ZNF385B: variants seen among roughly 807,000 people sequenced by gnomAD.
ZNF385B encodes the protein zinc finger protein 385B, also known as zinc finger protein 533.
In ZNF385B, 23 loss-of-function variants were observed where a neutral mutation model predicts 39.2. The observed-to-expected ratio is 0.59, with a 90% confidence interval of 0.42 to 0.83. The LOEUF (loss-of-function observed/expected upper bound fraction) is 0.83, where lower values mean the gene tolerates loss of function less well. Ranked by LOEUF, ZNF385B falls within the 40% of genes least tolerant of loss-of-function variation. The pLI, the probability that ZNF385B is intolerant of heterozygous loss-of-function variation, is 0.00. For synonymous variants in ZNF385B, 205 were observed against 222.6 expected (o/e 0.92, Z 0.70); for missense variants, 552 against 598.9 (o/e 0.92, Z 0.82).
At chr2:179,457,652 C>CT (rs571282849) in intron 6 of ZNF385B, among the ~76,000 whole-genome samples, 1 of 151,788 alleles carries the variant, frequency 6.6e-6, no homozygotes, top group Non-Finnish European at 1.5e-5. Context: ...AGCTCCTTTT[C>CT]TTTTTTTTAT....
At chr2:179,449,594 A>G (rs2049873220) in intron 6 of ZNF385B, among the ~76,000 whole-genome samples, 1 of 152,192 alleles carries the variant, frequency 6.6e-6, no homozygotes, top group Admixed American at 6.5e-5. Flanking sequence ...GCTCAATGAA[A>G]TAAAAGAGGA....
intron 8 of ZNF385B, among the ~76,000 whole-genome samples, chr2:179,445,333 T>C (rs542473968): frequency 1.2e-3 from 179 of 152,320 alleles, no homozygotes; most frequent in African/African-American, 3.5e-3. Context: ...CTCTCCAACA[T>C]CTAGCCTGGA....
chr2:179,689,279 A>G (rs1401003635), intron 3 of ZNF385B, among the ~76,000 whole-genome samples: 1 of 152,204 alleles, frequency 6.6e-6, no homozygotes, highest in Non-Finnish European at 1.5e-5. Flanking sequence ...TTTACGGGTA[A>G]AAGCCGAGAA....
intron 1 of ZNF385B, among the ~76,000 whole-genome samples, chr2:179,816,382 TA>T (rs1421600634): frequency 6.6e-6 from 1 of 152,222 alleles, no homozygotes; most frequent in Non-Finnish European, 1.5e-5. Context: ...CGTCATCTGT[TA>T]AGCCCCTGCA....
chr2:179,861,287 G>T lies in ZNF385B; in HGVS notation c.-341C>A. On this transcript the variant is annotated 5_prime_UTR_variant, in exon 1 of 10. Transcript: ENST00000410066. ...GCAGCGGCGGCGGTGGAGGTGGCGC[G>T]GGCGACAGCTCGGCCCGGCGCGGCC... 1 of 157,356 alleles carries T rather than the reference G, an allele frequency of 6.4e-6. No individual in the cohort carries two copies. The highest frequency in any genetic ancestry group is 1.8e-4 in the South Asian group (1 of 5,648). 9.7% of individuals were successfully genotyped at this position (157,356 alleles called of 1,614,324 possible).
At chr2:179,812,000 C>G (rs1706763290) in intron 1 of ZNF385B, among the ~76,000 whole-genome samples, 1 of 152,060 alleles carries the variant, frequency 6.6e-6, no homozygotes, top group Admixed American at 6.6e-5. Context: ...AGACATTTCT[C>G]AAAAGAAGAC....
At chr2:179,674,291 T>A (rs1696450495) in intron 3 of ZNF385B, among the ~76,000 whole-genome samples, 1 of 152,232 alleles carries the variant, frequency 6.6e-6, no homozygotes, top group Non-Finnish European at 1.5e-5. Context: ...GGATTATTAT[T>A]AATCAAGTAA....
At chr2:179,512,658 TAGAC>T (rs2057768187) in intron 5 of ZNF385B, among the ~76,000 whole-genome samples, 1 of 152,136 alleles carries the variant, frequency 6.6e-6, no homozygotes, top group Admixed American at 6.6e-5. Context: ...CATTCAGGGT[TAGAC>T]AGCCCCATTC....
intron 1 of ZNF385B, among the ~76,000 whole-genome samples, chr2:179,783,679 C>T (rs1210133515): frequency 6.6e-6 from 1 of 152,004 alleles, no homozygotes; most frequent in Non-Finnish European, 1.5e-5. Context: ...ACATACCAGT[C>T]ACTTCTCAAA....
At chr2:179,588,639 G>T (rs1311761316) in intron 3 of ZNF385B, among the ~76,000 whole-genome samples, 1 of 152,116 alleles carries the variant, frequency 6.6e-6, no homozygotes, top group Non-Finnish European at 1.5e-5. Context: ...TTTATCATAT[G>T]CCACACCACA....
intron 1 of ZNF385B, among the ~76,000 whole-genome samples, chr2:179,775,799 T>C (rs1259598737): frequency 6.6e-6 from 1 of 152,220 alleles, no homozygotes; most frequent in South Asian, 2.1e-4. Flanking sequence ...GGAGATAATA[T>C]AGCTCCAAGG....
rs185281627 is a variant in ZNF385B, at chr2:179,584,384, A to G, written c.299-39415T>C. On this transcript the variant is annotated intron_variant, in intron 3 of 9. Transcript: ENST00000410066. ...CTGCTGCAATGCAGTATAAAATACT[A>G]TAAAATGACAAAAGAAAGACGGGCA... Among the ~76,000 whole-genome samples the G allele has an allele frequency of 2.0e-5, 3 of 152,324 alleles. 1 individual carries two copies. In the South Asian group the frequency reaches 6.2e-4, roughly 32 times the overall value.
In ZNF385B at chr2:179,483,374, C is replaced by A. The variant is rs149283262; in HGVS notation, c.613G>T (p.Ala205Ser). ...ACCATTTTGGGTTTATTTTTCGTTGCGTCTAGTGCTTTGACCTTCTTGGCA... is the reference window on the plus strand; with the variant it reads ...ACCATTTTGGGTTTATTTTTCGTTGAGTCTAGTGCTTTGACCTTCTTGGCA... ...KHAKKVKALD[A>S]TKNKPKMVPS... Residue 205 changes from alanine to serine, a missense_variant, in exon 6 of 10, where the codon GCA becomes TCA. Ala to Ser is a moderately conservative substitution (Grantham distance 99). Transcript: ENST00000410066. 7 of 1,613,856 alleles carry A rather than the reference C, an allele frequency of 4.3e-6. No individual in the cohort carries two copies. In the African/African-American group the frequency reaches 9.3e-5, roughly 22 times the overall value.
chr2:179,754,948 C>T (rs1418115397), intron 3 of ZNF385B, among the ~76,000 whole-genome samples: 1 of 152,114 alleles, frequency 6.6e-6, no homozygotes, highest in African/African-American at 2.4e-5. Flanking sequence ...CTGCTCTGAT[C>T]TTACTTATTT....
In ZNF385B at chr2:179,512,532, A is replaced by C. The variant is rs114902456; in HGVS notation, c.552+5996T>G. Among the ~76,000 whole-genome samples, 1,355 of 152,338 alleles carry C rather than the reference A, an allele frequency of 8.9e-3. 10 individuals are homozygous for C. Among genetic ancestry groups the C allele is most frequent in the Non-Finnish European group, 0.014 (942 of 68,024 alleles). The stretch of plus-strand genomic sequence containing the variant: ...TGTATGTTAGCTCATTTCCCCGGCA[A>C]AGCTTAACTTTGGAAATGGCATTTT... On this transcript the variant is annotated intron_variant, in intron 5 of 9. Coordinates refer to ENST00000410066, the MANE Select transcript of ZNF385B (RefSeq NM_152520.6).
At chr2:179,750,667 T>C (rs529586716) in intron 3 of ZNF385B, among the ~76,000 whole-genome samples, 17 of 152,244 alleles carry the variant, frequency 1.1e-4, no homozygotes, top group African/African-American at 3.8e-4. Context: ...CTCTATCCAA[T>C]ACATGGATTG....
chr2:179,806,906 C>G (rs1038049952), intron 1 of ZNF385B, among the ~76,000 whole-genome samples: 1 of 152,084 alleles, frequency 6.6e-6, no homozygotes, highest in Admixed American at 6.5e-5. Context: ...ATATACAGAA[C>G]GACAGAACAT....
At chr2:179,492,349 T>C (rs1482816705) in intron 5 of ZNF385B, among the ~76,000 whole-genome samples, 1 of 152,194 alleles carries the variant, frequency 6.6e-6, no homozygotes, top group African/African-American at 2.4e-5. Flanking sequence ...AGTTTATGCA[T>C]TAAAGCTGTG....
intron 3 of ZNF385B, among the ~76,000 whole-genome samples, chr2:179,614,116 C>G (rs1196872447): frequency 6.6e-6 from 1 of 150,656 alleles, no homozygotes; most frequent in African/African-American, 2.4e-5. Flanking sequence ...GCTGGCTACT[C>G]AAGATTATCT....
Sources: gnomAD v4.1 joint callset for allele counts (sites outside exome capture counted in the v4.1 genomes callset) on GRCh38, gnomAD v4.1.1 for gene constraint, MANE v1.5 for transcripts, NCBI Gene and HGNC (gene_info 2026-07-23, HGNC 2026-07-21) for gene names.